JAK2: variants seen among roughly 807,000 people sequenced by gnomAD.
The protein encoded by JAK2 is Janus kinase 2.
A neutral mutation model predicts 139.3 loss-of-function variants in JAK2; 86 were observed. The ratio of observed to expected loss-of-function variants is 0.62; its 90% CI spans 0.52 to 0.74. JAK2 has a LOEUF of 0.74. Ranked by LOEUF, JAK2 falls within the 30% of genes least tolerant of loss-of-function variation. JAK2 has a pLI of 0.00. For missense variants in JAK2, 1,421 were observed against 1,360.3 expected, an observed-to-expected ratio of 1.04 and a Z score of -0.70; for synonymous variants, 490 against 437.7, an observed-to-expected ratio of 1.12 and a Z score of -1.49.
chr9:5,117,753 T>A (rs1020709877), intron 22 of JAK2, among the ~76,000 whole-genome samples: 1 of 152,074 alleles, frequency 6.6e-6, no homozygotes. Flanking sequence ...AAACAAAAGT[T>A]TTTTGGCAAC....
At chr9:5,104,509 G>C (rs1306999117) in intron 22 of JAK2, among the ~76,000 whole-genome samples, 1 of 152,152 alleles carries the variant, frequency 6.6e-6, no homozygotes, top group Non-Finnish European at 1.5e-5. Flanking sequence ...CATTCCTTCT[G>C]AAACTATTCC....
chr9:5,039,906 C>T (rs1049729688), intron 4 of JAK2, among the ~76,000 whole-genome samples: 2 of 152,126 alleles, frequency 1.3e-5, no homozygotes, highest in Admixed American at 1.3e-4. Context: ...TCTGTATGTT[C>T]AATGCAATTC....
At chr9:5,091,062 T>TAGG in intron 22 of JAK2, 151 bp downstream of exon 22, 1 of 580,552 alleles carries the variant, frequency 1.7e-6, no homozygotes, top group African/African-American at 1.9e-5. Context: ...TTTTTAGGTC[T>TAGG]TATAGTCATG....
intron 2 of JAK2, among the ~76,000 whole-genome samples, chr9:5,010,724 T>C (rs1324721369): frequency 6.6e-6 from 1 of 152,204 alleles, no homozygotes; most frequent in Non-Finnish European, 1.5e-5. Flanking sequence ...TAAACCTGAG[T>C]TTACATGTAA....
rs114236607 is a variant in JAK2 at position 5,025,064 on chromosome 9, C to T, written c.226+2851C>T. Among the ~76,000 whole-genome samples the T allele has an allele frequency of 1.9e-3, 287 of 152,218 alleles. 1 individual carries two copies. Among genetic ancestry groups the T allele is most frequent in the African/African-American group, 6.6e-3 (274 of 41,542 alleles). ...TTAAGTGGCTGTTTTCTTGATTCAG[C>T]ATTTATCTGATTGCTGCATATCTTT... On this transcript the variant is annotated intron_variant, in intron 3 of 24. Coordinates refer to ENST00000381652, the MANE Select transcript of JAK2 (RefSeq NM_004972.4).
At chr9:5,121,711 G>A (rs1823627447) in intron 22 of JAK2, among the ~76,000 whole-genome samples, 1 of 152,136 alleles carries the variant, frequency 6.6e-6, no homozygotes, top group African/African-American at 2.4e-5. Context: ...TTTTCTGAAT[G>A]CTCTAAGAAC....
At chr9:5,111,312 C>T (rs1011764307) in intron 22 of JAK2, 1 of 460,276 alleles carries the variant, frequency 2.2e-6, no homozygotes, top group East Asian at 5.2e-5. Flanking sequence ...CCTCAGCAGC[C>T]CCGGACCCCT....
chr9:5,111,901 G>A (rs1822597540), intron 22 of JAK2: 2 of 354,716 alleles, frequency 5.6e-6, no homozygotes, highest in South Asian at 2.1e-5. Context: ...GGACGCCCTC[G>A]GGAAGGCCTG....
intron 22 of JAK2, chr9:5,099,044 A>G (rs1250862320): frequency 6.6e-6 from 1 of 152,100 alleles, no homozygotes; most frequent in African/African-American, 2.4e-5. Context: ...AAACCAGGAG[A>G]ACTTCGACTC....
chr9:5,096,808 TAGG>T (rs998864052), intron 22 of JAK2: 5 of 152,210 alleles, frequency 3.3e-5, no homozygotes, highest in African/African-American at 1.2e-4. Context: ...GGAACTCTGC[TAGG>T]AGATGACCAG....
At chr9:5,069,248 G>A (rs1320896331) in intron 11 of JAK2, 40 bp downstream of exon 11, 1 of 1,409,088 alleles carries the variant, frequency 7.1e-7, no homozygotes, top group South Asian at 1.3e-5. Flanking sequence ...TACTGGTCAT[G>A]GATTGTTTAT....
At chr9:5,111,117 T>C in intron 22 of JAK2, 1 of 1,200,704 alleles carries the variant, frequency 8.3e-7, no homozygotes, top group South Asian at 1.3e-5. Flanking sequence ...GCTCCTCCTT[T>C]GACCCCAGCT....
At chr9:4,986,220 T>A (rs1280585360) in intron 2 of JAK2, among the ~76,000 whole-genome samples, 198 bp downstream of exon 2, 1 of 152,198 alleles carries the variant, frequency 6.6e-6, no homozygotes. Context: ...CTTGGATCCT[T>A]TAAGAAACAT....
At chr9:5,126,641 C>G (rs1379526987) in intron 24 of JAK2, 43 bp from the exon 25 acceptor site, 4 of 1,340,824 alleles carry the variant, frequency 3.0e-6, no homozygotes, top group Admixed American at 1.8e-5. Flanking sequence ...TAAAAGATGG[C>G]CCTTAGTGTT....
rs1031187155 is a variant in JAK2 at position 5,080,149 on chromosome 9, G to A, written c.2132-80G>A. On this transcript the variant is annotated intron_variant, in intron 16 of 24. Transcript: ENST00000381652. ...ATAGGCCTGATTATTCAAATGATTT[G>A]AACTTTAAAGCTATTTACATATAAA... The A allele has an allele frequency of 3.5e-5, 39 of 1,104,334 alleles. 1 individual carries two copies. In the Admixed American group the frequency reaches 5.7e-4, roughly 16 times the overall value. The allele number at this position is 1,104,334 out of a possible 1,614,324, so 68.4% of individuals were successfully genotyped here. A position where few individuals can be genotyped will look rare whatever the true frequency, so the allele number is the denominator to read the frequency against.
intron 22 of JAK2, among the ~76,000 whole-genome samples, chr9:5,119,397 A>G (rs977634157): frequency 3.3e-5 from 5 of 152,072 alleles, no homozygotes; most frequent in Non-Finnish European, 5.9e-5. Context: ...ACTTTCATGT[A>G]TAATTTTGTA....
intron 14 of JAK2, among the ~76,000 whole-genome samples, chr9:5,076,243 C>T (rs1007717204): frequency 1.3e-5 from 2 of 152,156 alleles, no homozygotes; most frequent in African/African-American, 4.8e-5. Context: ...CAAGCAGTTG[C>T]AGGGTTTGAG....
intron 2 of JAK2, among the ~76,000 whole-genome samples, chr9:5,006,532 T>G (rs976963934): frequency 7.2e-5 from 11 of 152,194 alleles, no homozygotes; most frequent in Non-Finnish European, 1.3e-4. Context: ...TGACTCATGG[T>G]TCCATAGGCT....
chr9:4,995,646 C>A (rs983693982), intron 2 of JAK2, among the ~76,000 whole-genome samples: 1 of 152,096 alleles, frequency 6.6e-6, no homozygotes, highest in South Asian at 2.1e-4. Flanking sequence ...GTGAACATTT[C>A]TATTTATTTG....
Sources: allele counts gnomAD v4.1 joint callset (sites outside exome capture counted in the v4.1 genomes callset), GRCh38; gene constraint gnomAD v4.1.1; transcripts MANE v1.5; gene names NCBI Gene and HGNC (gene_info 2026-07-23, HGNC 2026-07-21).